The following TET1 variants were observed in gnomAD, a reference collection of about 807,000 sequenced individuals.
TET1 encodes the protein tet methylcytosine dioxygenase 1, also known as methylcytosine dioxygenase TET1.
Under a neutral mutation model 148.7 loss-of-function variants are expected in TET1, and 13 were observed. That is an observed-to-expected ratio of 0.09 (90% CI 0.06 to 0.14). The LOEUF is 0.14. Among genes scored for constraint, TET1 ranks in the 10% least tolerant of loss-of-function variants. The pLI is 1.00. For missense variants in TET1, 2,182 were observed against 2,553.8 expected, an observed-to-expected ratio of 0.85 and a Z score of 3.14; for synonymous variants, 907 against 937.2, an observed-to-expected ratio of 0.97 and a Z score of 0.59.
At chr10:68,641,722 C>T (rs972250443) in intron 3 of TET1, among the ~76,000 whole-genome samples, 2 of 152,000 alleles carry the variant, frequency 1.3e-5, no homozygotes, top group Non-Finnish European at 2.9e-5. Flanking sequence ...AAGATGGTCT[C>T]GATCTCCTGA....
intron 3 of TET1, among the ~76,000 whole-genome samples, chr10:68,640,604 TGCAGTGGC>T (rs2054735816): frequency 1.6e-5 from 2 of 127,850 alleles, no homozygotes; most frequent in South Asian, 5.5e-4. Context: ...CAGGCTGGAG[TGCAGTGGC>T]GCTATCTAGG....
chr10:68,640,915 T>A (rs192861095), intron 3 of TET1, among the ~76,000 whole-genome samples: 1 of 151,922 alleles, frequency 6.6e-6, no homozygotes, highest in Admixed American at 6.6e-5. Context: ...AATATTTATA[T>A]GATTTTTATG....
chr10:68,627,313 G>C (rs754701230), intron 3 of TET1, among the ~76,000 whole-genome samples: 8 of 151,914 alleles, frequency 5.3e-5, no homozygotes, highest in Non-Finnish European at 1.0e-4. Context: ...AGGAGGCTGA[G>C]ACAGGAGAAT....
At chr10:68,652,200 T>C (rs538418991) in intron 5 of TET1, among the ~76,000 whole-genome samples, 65 of 152,308 alleles carry the variant, frequency 4.3e-4, no homozygotes, top group Admixed American at 4.2e-3. Flanking sequence ...TATCGCATAA[T>C]GGTAGAAATA....
intron 2 of TET1, among the ~76,000 whole-genome samples, chr10:68,600,104 A>G (rs753680685): frequency 5.9e-5 from 9 of 152,164 alleles, no homozygotes; most frequent in Non-Finnish European, 1.3e-4. Flanking sequence ...CTGAGCCTAC[A>G]CTGTCCTCAC....
At chr10:68,641,111 A>C (rs552459651) in intron 3 of TET1, among the ~76,000 whole-genome samples, 12 of 151,694 alleles carry the variant, frequency 7.9e-5, no homozygotes, top group African/African-American at 2.7e-4. Context: ...AATATTTACT[A>C]TCTGACCCTT....
intron 1 of TET1, among the ~76,000 whole-genome samples, chr10:68,565,216 C>T (rs1396900802): frequency 6.6e-6 from 1 of 151,960 alleles, no homozygotes; most frequent in Non-Finnish European, 1.5e-5. Flanking sequence ...GTGGCCCACA[C>T]CTGTAGTCCT....
chr10:68,625,648 CT>C (rs2054466677), intron 3 of TET1, among the ~76,000 whole-genome samples: 1 of 152,148 alleles, frequency 6.6e-6, no homozygotes, highest in Non-Finnish European at 1.5e-5. Context: ...CTGTGTTGGT[CT>C]TTGCAACCTT....
At chr10:68,561,794 GGCC>G (rs1341378374) in intron 1 of TET1, among the ~76,000 whole-genome samples, 13 of 149,480 alleles carry the variant, frequency 8.7e-5, no homozygotes, top group African/African-American at 2.7e-4. Context: ...GGAAGGGACT[GGCC>G]GACGCTGGTA....
chr10:68,635,908 G>A (rs2054643609), intron 3 of TET1, among the ~76,000 whole-genome samples: 1 of 152,070 alleles, frequency 6.6e-6, no homozygotes. Flanking sequence ...GTGTGAGAGT[G>A]AAGCTTCAAG....
rs75808872 is a variant in TET1, at chr10:68,616,404, T to C, written c.1968+15370T>C. ...TCACAAGAGTATCACAGAAGTGAGT[T>C]TGTGATCTCTGCAGCATCGTATCTG... is the stretch of plus-strand genomic sequence containing the variant. On this transcript the variant is annotated intron_variant, in intron 3 of 11. Coordinates refer to ENST00000373644, the MANE Select transcript of TET1 (RefSeq NM_030625.3). 4.0e-3 allele frequency among the ~76,000 whole-genome samples: 610 copies of C among 152,374 alleles called. 3 individuals carry two copies. The highest frequency in any genetic ancestry group is 0.014 in the African/African-American group (591 of 41,592).
intron 3 of TET1, among the ~76,000 whole-genome samples, chr10:68,623,311 TA>T (rs1260294404): frequency 2.0e-5 from 3 of 152,254 alleles, no homozygotes; most frequent in Non-Finnish European, 2.9e-5. Context: ...TATATTAATA[TA>T]AACTTACAGC....
At chr10:68,649,945 G>A (rs1007882349) in intron 4 of TET1, among the ~76,000 whole-genome samples, 1 of 152,038 alleles carries the variant, frequency 6.6e-6, no homozygotes, top group Admixed American at 6.6e-5. Context: ...GGCACTTAAA[G>A]ACAGAGAAAC....
intron 8 of TET1, among the ~76,000 whole-genome samples, chr10:68,679,077 T>C (rs1303429250): frequency 6.6e-6 from 1 of 152,126 alleles, no homozygotes; most frequent in African/African-American, 2.4e-5. Context: ...CTCAGGAGGC[T>C]GAGGCAGGAG....
intron 3 of TET1, among the ~76,000 whole-genome samples, chr10:68,635,868 C>G (rs1053074566): frequency 6.6e-6 from 1 of 152,070 alleles, no homozygotes; most frequent in Admixed American, 6.6e-5. Context: ...GTAGAGTCCT[C>G]TAGGAGTAGG....
intron 6 of TET1, among the ~76,000 whole-genome samples, chr10:68,653,207 T>C (rs1342982767): frequency 2.0e-5 from 3 of 152,142 alleles, no homozygotes; most frequent in Non-Finnish European, 4.4e-5. Context: ...TTATCCTGGT[T>C]TAGAATATTG....
At position 68,673,063 on chromosome 10, in the gene TET1, T is replaced by A; in HGVS notation, c.4824+18T>A. 1 of 1,585,516 alleles carries A rather than the reference T, an allele frequency of 6.3e-7. No individual in the cohort carries two copies. Among genetic ancestry groups the A allele is most frequent in the South Asian group, 1.2e-5 (1 of 85,328 alleles). On this transcript the variant is annotated intron_variant, in intron 8 of 11. Coordinates refer to ENST00000373644, the MANE Select transcript of TET1 (RefSeq NM_030625.3). ...CCTTACATGTAAGTGTCCTTCTTTA[T>A]TCAAATAATTTATTTTTGAATTACA... is the stretch of plus-strand genomic sequence containing the variant.
chr10:68,656,843 C>T (rs978999158), intron 6 of TET1, among the ~76,000 whole-genome samples: 1 of 150,360 alleles, frequency 6.7e-6, no homozygotes, highest in Non-Finnish European at 1.5e-5. Flanking sequence ...CTGGACAATA[C>T]GGTGAAACTC....
chr10:68,682,076 C>G (rs113606507), intron 9 of TET1, among the ~76,000 whole-genome samples: 10,932 of 122,502 alleles, frequency 0.089, 641 homozygotes, highest in Non-Finnish European at 0.13. Flanking sequence ...TGTAATTGGA[C>G]TTTTTATTGA....
Sources: allele counts gnomAD v4.1 joint callset (sites outside exome capture counted in the v4.1 genomes callset), GRCh38; gene constraint gnomAD v4.1.1; transcripts MANE v1.5; gene names NCBI Gene and HGNC (gene_info 2026-07-23, HGNC 2026-07-21).